Variants in FOXN3 observed in about 807,000 individuals in gnomAD.
FOXN3 encodes forkhead box protein N3.
Under a neutral mutation model 38.4 loss-of-function variants are expected in FOXN3, and 7 were observed. That is an observed-to-expected ratio of 0.18 (90% CI 0.10 to 0.34). FOXN3 has a LOEUF of 0.34. Ranked by LOEUF, FOXN3 falls within the 10% of genes least tolerant of loss-of-function variation. The probability of loss-of-function intolerance (pLI) is 1.00; values close to 1 mark genes in which losing one functional copy is unlikely to be tolerated. For missense variants in FOXN3, 456 were observed against 613.4 expected (o/e 0.74, Z 2.71); for synonymous variants, 230 against 242.2 (o/e 0.95, Z 0.47).
At chr14:89,380,861 G>GC (rs1424391805) in intron 2 of FOXN3, among the ~76,000 whole-genome samples, 1 of 152,172 alleles carries the variant, frequency 6.6e-6, no homozygotes, top group African/African-American at 2.4e-5. Context: ...GTGTGGTCAG[G>GC]CCAGGCGTGG....
rs867022856 is a variant in FOXN3 at position 89,318,220 on chromosome 14, G to A, written c.680+32452C>T. ...GTTGCCCAGGCTGGAGTGCAATGGC[G>A]TGATCTCAGCTCACTGCAACCTCCA... On this transcript the variant is annotated intron_variant, in intron 3 of 5. Transcript: ENST00000557258. Among the ~76,000 whole-genome samples the A allele has an allele frequency of 1.2e-3, 167 of 145,070 alleles. 1 individual carries two copies. The highest frequency in any genetic ancestry group is 4.1e-3 in the African/African-American group (159 of 38,496).
chr14:89,368,864 C>T (rs534939022), intron 2 of FOXN3, among the ~76,000 whole-genome samples: 7 of 152,246 alleles, frequency 4.6e-5, no homozygotes, highest in Middle Eastern at 3.4e-3. Context: ...TAATAACTGA[C>T]GTGATAGCCA....
intron 4 of FOXN3, among the ~76,000 whole-genome samples, chr14:89,265,794 T>C (rs1318407778): frequency 6.6e-6 from 1 of 152,236 alleles, no homozygotes; most frequent in Non-Finnish European, 1.5e-5. Flanking sequence ...CTAATTGCTA[T>C]TATTCATGGG....
intron 3 of FOXN3, among the ~76,000 whole-genome samples, chr14:89,308,631 A>G (rs1282096094): frequency 1.3e-5 from 2 of 152,200 alleles, no homozygotes; most frequent in African/African-American, 2.4e-5. Context: ...TGGCCCCAGA[A>G]CTGGACACAA....
At chr14:89,188,224 C>A (rs903249923) in intron 4 of FOXN3, among the ~76,000 whole-genome samples, 1 of 152,130 alleles carries the variant, frequency 6.6e-6, no homozygotes, top group African/African-American at 2.4e-5. Context: ...TAAATAGGAC[C>A]GTGGCTACCC....
intron 1 of FOXN3, among the ~76,000 whole-genome samples, chr14:89,546,850 C>T (rs570744063): frequency 3.3e-5 from 5 of 152,194 alleles, no homozygotes; most frequent in African/African-American, 4.8e-5. Flanking sequence ...GTGGCGTGAT[C>T]CTGGCTCACT....
rs1003636088 is a variant in FOXN3 at position 89,190,895 on chromosome 14, CAT to C, written c.746-10091_746-10090del. 7.2e-5 allele frequency among the ~76,000 whole-genome samples: 11 copies of C among 152,150 alleles called. 1 individual carries two copies. Among genetic ancestry groups the C allele is most frequent in the Admixed American group, 3.3e-4 (5 of 15,286 alleles). The stretch of plus-strand genomic sequence containing the variant: ...TGCATCTAGTGAGATACAAACAAGA[CAT>C]GTGGTCATTTCCATTTGTCAGCAGA... On this transcript the variant is annotated intron_variant, in intron 4 of 5. Coordinates refer to ENST00000557258, the MANE Select transcript of FOXN3 (RefSeq NM_005197.4).
At chr14:89,473,315 T>C (rs566492093) in intron 1 of FOXN3, among the ~76,000 whole-genome samples, 75 of 151,534 alleles carry the variant, frequency 4.9e-4, no homozygotes, top group Non-Finnish European at 9.4e-4. Flanking sequence ...TGAGCCACCG[T>C]GCCCGGCCAG....
At chr14:89,284,717 A>G (rs140727759) in intron 3 of FOXN3, among the ~76,000 whole-genome samples, 1 of 152,330 alleles carries the variant, frequency 6.6e-6, no homozygotes, top group Non-Finnish European at 1.5e-5. Flanking sequence ...TCAGCAGTAT[A>G]AGCCAGACCA....
At chr14:89,495,798 A>G (rs1893667600) in intron 1 of FOXN3, among the ~76,000 whole-genome samples, 1 of 152,162 alleles carries the variant, frequency 6.6e-6, no homozygotes, top group South Asian at 2.1e-4. Context: ...GGTAGGTATC[A>G]CCAATCTCAT....
In FOXN3 at chr14:89,220,478, C is replaced by T. The variant is rs530081658; in HGVS notation, c.746-39672G>A. ...CTAAAGCATCACCATTTTCAGGACCCGCAATGCAAGCTGTGTGCTGGTGAT... is the reference window on the plus strand; with the variant it reads ...CTAAAGCATCACCATTTTCAGGACCTGCAATGCAAGCTGTGTGCTGGTGAT... On this transcript the variant is annotated intron_variant, in intron 4 of 5. Transcript: ENST00000557258. 9.2e-5 allele frequency among the ~76,000 whole-genome samples: 14 copies of T among 152,272 alleles called. 1 individual carries two copies. The highest frequency in any genetic ancestry group is 8.3e-4 in the South Asian group (4 of 4,816).
In FOXN3 at chr14:89,161,254, A is replaced by G. The variant is rs1451516155; in HGVS notation, c.*1160T>C. On this transcript the variant is annotated 3_prime_UTR_variant, in exon 6 of 6. Coordinates refer to ENST00000557258, the MANE Select transcript of FOXN3 (RefSeq NM_005197.4). ...AGATAAATCCTGATATTAATTGCAA[A>G]CTCCATTTTGAGGGCAGTATAGGAG... is the stretch of plus-strand genomic sequence containing the variant. 3 of 150,366 alleles carry G rather than the reference A, an allele frequency of 2.0e-5. No individual in the cohort carries two copies. The highest frequency in any genetic ancestry group is 7.4e-5 in the African/African-American group (3 of 40,704). 9.3% of individuals were successfully genotyped at this position (150,366 alleles called of 1,614,324 possible). A position where few individuals can be genotyped will look rare whatever the true frequency, so the allele number is the denominator to read the frequency against.
At chr14:89,441,546 C>T (rs1892383014) in intron 1 of FOXN3, among the ~76,000 whole-genome samples, 1 of 152,156 alleles carries the variant, frequency 6.6e-6, no homozygotes, top group African/African-American at 2.4e-5. Flanking sequence ...CTCTTAATCA[C>T]TTTTAGGGTC....
At position 89,238,931 on chromosome 14, in the gene FOXN3, A is replaced by G. The variant is rs150523611; in HGVS notation, c.745+42019T>C. On this transcript the variant is annotated intron_variant, in intron 4 of 5. Transcript: ENST00000557258. ...CACCCTTGCCGCCACGGAAATGACA[A>G]ACAGACAACATAATTGCAGACTGCC... Among the ~76,000 whole-genome samples the G allele has an allele frequency of 1.7e-3, 253 of 152,316 alleles. 2 individuals are homozygous for G. Among genetic ancestry groups the G allele is most frequent in the African/African-American group, 5.8e-3 (242 of 41,562 alleles).
intron 3 of FOXN3, among the ~76,000 whole-genome samples, chr14:89,331,010 T>C (rs1888231932): frequency 6.6e-6 from 1 of 152,236 alleles, no homozygotes; most frequent in African/African-American, 2.4e-5. Context: ...TCTTCTTCTT[T>C]TGCGCCTAGA....
intron 1 of FOXN3, among the ~76,000 whole-genome samples, chr14:89,562,942 C>G (rs191138541): frequency 6.6e-6 from 1 of 152,264 alleles, no homozygotes; most frequent in East Asian, 1.9e-4. Flanking sequence ...AAAGAGTGGT[C>G]AGTGAGAATT....
At chr14:89,566,847 A>C (rs1262485953) in intron 1 of FOXN3, among the ~76,000 whole-genome samples, 31 of 132,450 alleles carry the variant, frequency 2.3e-4, no homozygotes, top group Middle Eastern at 3.7e-3. Context: ...CTCCTCCTCC[A>C]CCTCCTCTTA....
chr14:89,423,543 T>C (rs10149599), intron 1 of FOXN3, among the ~76,000 whole-genome samples: 22 of 152,220 alleles, frequency 1.4e-4, no homozygotes, highest in African/African-American at 5.1e-4. Context: ...ACAGGGTTAA[T>C]ATTTTAAATT....
chr14:89,525,170 G>T (rs763768592), intron 1 of FOXN3, among the ~76,000 whole-genome samples: 2 of 152,132 alleles, frequency 1.3e-5, no homozygotes, highest in Non-Finnish European at 2.9e-5. Context: ...TGCATTCCCA[G>T]GAGGTTGAGG....
Sources: allele counts gnomAD v4.1 joint callset (sites outside exome capture counted in the v4.1 genomes callset), GRCh38; gene constraint gnomAD v4.1.1; transcripts MANE v1.5; gene names NCBI Gene and HGNC (gene_info 2026-07-23, HGNC 2026-07-21).